The following PPP1R42 variants were observed in gnomAD, a reference collection of about 807,000 sequenced individuals.
The protein encoded by PPP1R42 is leucine rich repeat containing 67.
In PPP1R42, 34 loss-of-function variants were observed where a neutral mutation model predicts 31.0. That is an observed-to-expected ratio of 1.10 (90% CI 0.83 to 1.46). The LOEUF (loss-of-function observed/expected upper bound fraction) is 1.46. Among genes scored for constraint, PPP1R42 ranks in the 40% most tolerant of loss-of-function variants. The pLI is 0.00. For missense variants in PPP1R42, 268 were observed against 303.0 expected, an observed-to-expected ratio of 0.88 and a Z score of 0.86; for synonymous variants, 103 against 109.8, an observed-to-expected ratio of 0.94 and a Z score of 0.39.
intron 5 of PPP1R42, among the ~76,000 whole-genome samples, chr8:67,001,175 T>C (rs1439982863): frequency 1.3e-5 from 2 of 151,366 alleles, no homozygotes; most frequent in East Asian, 1.9e-4. Flanking sequence ...TATTTTTAAC[T>C]CACATATCTT....
At chr8:67,008,250 T>C (rs139919149) in intron 5 of PPP1R42, among the ~76,000 whole-genome samples, 15 of 152,282 alleles carry the variant, frequency 9.9e-5, no homozygotes, top group Non-Finnish European at 1.5e-5. Flanking sequence ...AAAACTAATA[T>C]ATGTAGCATT....
At chr8:66,987,531 A>G (rs965066037) in intron 6 of PPP1R42, among the ~76,000 whole-genome samples, 5 of 152,042 alleles carry the variant, frequency 3.3e-5, no homozygotes, top group African/African-American at 7.2e-5. Context: ...ATCTCAGGCA[A>G]TCCACCTACC....
chr8:67,019,605 T>C (rs1482128649), intron 1 of PPP1R42, among the ~76,000 whole-genome samples: 2 of 152,004 alleles, frequency 1.3e-5, no homozygotes, highest in Non-Finnish European at 2.9e-5. Flanking sequence ...GAATATCCTC[T>C]AATGTTCTCA....
intron 6 of PPP1R42, chr8:66,984,709 T>C: frequency 6.3e-7 from 1 of 1,598,520 alleles, no homozygotes; most frequent in Non-Finnish European, 8.6e-7. Context: ...TTTCTGTCTT[T>C]TTGCCATCTG....
At chr8:67,021,231 A>T (rs1315849977) in intron 1 of PPP1R42, 1 of 152,204 alleles carries the variant, frequency 6.6e-6, no homozygotes, top group Non-Finnish European at 1.5e-5. Context: ...TATAAATTAA[A>T]TTTGTATACT....
chr8:66,993,030 C>T (rs1815236692), intron 5 of PPP1R42, among the ~76,000 whole-genome samples: 1 of 152,168 alleles, frequency 6.6e-6, no homozygotes, highest in African/African-American at 2.4e-5. Context: ...GCGCTTCAAA[C>T]CCTACACTAC....
At chr8:66,984,612 C>T in intron 6 of PPP1R42, 1 of 1,208,030 alleles carries the variant, frequency 8.3e-7, no homozygotes, top group Non-Finnish European at 1.2e-6. Flanking sequence ...ACGTGTACCC[C>T]CTGTGAAATG....
chr8:67,019,660 AG>A (rs1816148459), intron 1 of PPP1R42, among the ~76,000 whole-genome samples: 1 of 151,894 alleles, frequency 6.6e-6, no homozygotes, highest in Non-Finnish European at 1.5e-5. Flanking sequence ...TGGGAAGCCG[AG>A]GCGGGCGGAT....
intron 7 of PPP1R42, among the ~76,000 whole-genome samples, chr8:66,975,387 C>T (rs901630204): frequency 1.3e-5 from 2 of 152,170 alleles, no homozygotes; most frequent in African/African-American, 4.8e-5. Context: ...GTGGCTCATG[C>T]CTGTAATCCC....
Position 67,010,625 on chromosome 8 carries a change from T to A in PPP1R42, c.552+90A>T, listed in dbSNP as rs572630323. The A allele has an allele frequency of 9.5e-6, 8 of 845,912 alleles. No homozygotes were observed. In the East Asian group the frequency reaches 2.2e-4, roughly 23 times the overall value. The allele number at this position is 845,912 out of a possible 1,614,324, so 52.4% of individuals were successfully genotyped here. A position where few individuals can be genotyped will look rare whatever the true frequency, so the allele number is the denominator to read the frequency against. The stretch of plus-strand genomic sequence containing the variant: ...AGAACAAATCCAGAGTAGTTTTTAA[T>A]GTGATATATTTATTTTATAGCTATT... On this transcript the variant is annotated intron_variant, in intron 5 of 7. Coordinates refer to ENST00000685739, the MANE Select transcript of PPP1R42 (RefSeq NM_001364910.1).
At chr8:66,981,946 A>G in intron 7 of PPP1R42, 103 bp downstream of exon 7, 3 of 1,204,732 alleles carry the variant, frequency 2.5e-6, no homozygotes, top group Non-Finnish European at 3.1e-6. Context: ...CAACAACAAC[A>G]AAAAACTAAA....
At chr8:66,975,538 C>T (rs771162096) in intron 7 of PPP1R42, among the ~76,000 whole-genome samples, 16 of 151,850 alleles carry the variant, frequency 1.1e-4, no homozygotes, top group Admixed American at 5.2e-4. Flanking sequence ...CCCAGCTTCT[C>T]GGGAGGCTGA....
intron 5 of PPP1R42, among the ~76,000 whole-genome samples, chr8:66,998,353 C>T (rs1005301347): frequency 3.2e-4 from 48 of 152,312 alleles, no homozygotes; most frequent in African/African-American, 1.1e-3. Context: ...TAGTTGTTCA[C>T]TGCTAGTCAA....
At chr8:67,000,423 T>A (rs900138955) in intron 5 of PPP1R42, among the ~76,000 whole-genome samples, 6 of 152,230 alleles carry the variant, frequency 3.9e-5, no homozygotes, top group African/African-American at 1.4e-4. Context: ...TTCTTTGTGA[T>A]TTCTATGGAC....
intron 1 of PPP1R42, 90 bp from the exon 2 acceptor site, chr8:67,017,921 T>A: frequency 1.8e-6 from 1 of 557,254 alleles, no homozygotes; most frequent in Non-Finnish European, 2.7e-6. Flanking sequence ...TTCCCTTATA[T>A]GAAACTATTT....
intron 5 of PPP1R42, among the ~76,000 whole-genome samples, chr8:67,005,552 C>T (rs897775694): frequency 3.2e-4 from 48 of 152,268 alleles, no homozygotes; most frequent in Admixed American, 3.3e-4. Flanking sequence ...AGGCATTTTA[C>T]GAGGTGGAAT....
At chr8:66,991,093 A>T (rs1012082903) in intron 5 of PPP1R42, among the ~76,000 whole-genome samples, 1 of 152,186 alleles carries the variant, frequency 6.6e-6, no homozygotes, top group Non-Finnish European at 1.5e-5. Context: ...GTAAATCACT[A>T]ATATATCTGA....
intron 5 of PPP1R42, among the ~76,000 whole-genome samples, chr8:67,003,935 A>G (rs1345960236): frequency 6.6e-6 from 1 of 152,078 alleles, no homozygotes; most frequent in African/African-American, 2.4e-5. Flanking sequence ...CTAAAAGTAC[A>G]AAAAATTAGC....
intron 5 of PPP1R42, among the ~76,000 whole-genome samples, chr8:67,005,553 G>T (rs763725660): frequency 6.6e-6 from 1 of 152,072 alleles, no homozygotes; most frequent in African/African-American, 2.4e-5. Context: ...GGCATTTTAC[G>T]AGGTGGAATT....
Sources: gnomAD v4.1 joint callset for allele counts (sites outside exome capture counted in the v4.1 genomes callset) on GRCh38, gnomAD v4.1.1 for gene constraint, MANE v1.5 for transcripts, NCBI Gene and HGNC (gene_info 2026-07-23, HGNC 2026-07-21) for gene names.